Variants in ZNF568 observed in about 807,000 individuals in gnomAD.
The protein encoded by ZNF568 is p53 inhibitor of SCO2 activation.
ZNF568 carries 11 observed loss-of-function variants against 18.1 expected under a neutral mutation model. The observed-to-expected ratio is 0.61, with a 90% CI of 0.38 to 1.00. The LOEUF is 1.00. ZNF568 is among the 50% of genes least tolerant of loss of function. The pLI is 0.01. For missense variants in ZNF568, 639 were observed against 768.2 expected, an observed-to-expected ratio of 0.83 and a Z score of 1.99; for synonymous variants, 213 against 246.6, an observed-to-expected ratio of 0.86 and a Z score of 1.28.
At chr19:36,996,882 T>G in exon 5 of ZNF568, 1 of 1,539,158 alleles carries the variant, frequency 6.5e-7, no homozygotes, top group Non-Finnish European at 8.7e-7. Flanking sequence ...CCTATAAGTG[T>G]AGGGAGTGTG....
chr19:36,927,887 T>TATATTA lies in ZNF568; in HGVS notation c.135+2629_135+2630insATATTA, dbSNP rs1491142078. Among the ~76,000 whole-genome samples, 184 of 38,886 alleles carry TATATTA rather than the reference T, an allele frequency of 4.7e-3. 3 individuals are homozygous for TATATTA. Among genetic ancestry groups the TATATTA allele is most frequent in the East Asian group, 0.027 (11 of 404 alleles). The allele number at this position is 38,886 out of a possible 152,430, so 25.5% of individuals were successfully genotyped here. ...ATATATATATATATATATATATATA[T>TATATTA]TATATATATATATATATTTTTTTTT... On this transcript the variant is annotated intron_variant, in intron 4 of 6. Coordinates refer to ENST00000333987, the MANE Select transcript of ZNF568 (RefSeq NM_198539.4).
rs1193440344 is a variant in ZNF568 at position 36,975,681 on chromosome 19, CTTTTTTTTTTT to C, written c.405+1226_405+1236del. ...GCAGGCGTGAGCCACCGCGCCAAGA[CTTTTTTTTTTT>C]TTTTTTTTTTGAGACAGAGTCTTGC... On this transcript the variant is annotated intron_variant, in intron 7 of 7. Coordinates refer to the ZNF568 transcript ENST00000427117. Among the ~76,000 whole-genome samples, 261 of 75,786 alleles carry C rather than the reference CTTTTTTTTTTT, an allele frequency of 3.4e-3. 6 individuals are homozygous for C. The highest frequency in any genetic ancestry group is 0.016 in the African/African-American group (255 of 16,428). 49.7% of individuals were successfully genotyped at this position (75,786 alleles called of 152,430 possible).
downstream of ZNF568, among the ~76,000 whole-genome samples, chr19:36,953,780 G>A (rs1036201882): frequency 4.6e-5 from 7 of 152,068 alleles, no homozygotes; most frequent in Non-Finnish European, 8.8e-5. Flanking sequence ...GGCATGGGGC[G>A]GGTGCCTGTA....
rs780582682 is a variant in ZNF568, at chr19:36,937,167, G to T, written c.283G>T (p.Asp95Tyr). 1.2e-5 allele frequency: 20 copies of T among 1,613,886 alleles called. 1 individual carries two copies. In the South Asian group the frequency reaches 2.1e-4, roughly 17 times the overall value. The change falls in exon 6 of 7, where the codon GAT (aspartate) becomes TAT (tyrosine). Residue 95 changes from aspartate (D) to tyrosine (Y), a missense_variant. Physicochemically the swap from Asp to Tyr is radical, Grantham distance 160 (BLOSUM62 -3). Transcript: ENST00000333987. ...VTVGCQVTKP[D>Y]VIFKLEQEEE... ...AATAGGCTGTCAAGTCACCAAACCG[G>T]ATGTGATATTCAAGTTGGAGCAAGA...
chr19:36,927,897 ATATATATTTTTTTTTT>A (rs2073604220), intron 4 of ZNF568, among the ~76,000 whole-genome samples: 2 of 24,722 alleles, frequency 8.1e-5, no homozygotes, highest in Admixed American at 5.4e-4. Flanking sequence ...TTATATATAT[ATATATATTTTTTTTTT>A]TTTTTTTTTT....
intron 6 of ZNF568, among the ~76,000 whole-genome samples, chr19:36,965,064 C>T (rs1296690814): frequency 2.6e-5 from 4 of 152,140 alleles, no homozygotes; most frequent in Non-Finnish European, 5.9e-5. Context: ...TTTCATTAAG[C>T]ATGTAAATGT....
At chr19:36,989,472 C>T (rs2074405476) in intron 2 of ZNF568, among the ~76,000 whole-genome samples, 1 of 152,200 alleles carries the variant, frequency 6.6e-6, no homozygotes, top group Non-Finnish European at 1.5e-5. Context: ...GTGTGAGCCA[C>T]CATGCCTGGC....
intron 3 of ZNF568, among the ~76,000 whole-genome samples, chr19:36,923,306 C>T (rs903764473): frequency 6.6e-6 from 1 of 152,066 alleles, no homozygotes; most frequent in African/African-American, 2.4e-5. Context: ...TAACCCCTTC[C>T]GTTTCATCTC....
downstream of ZNF568, chr19:36,997,805 A>G: frequency 1.8e-6 from 1 of 568,850 alleles, no homozygotes; most frequent in Admixed American, 3.1e-5. Context: ...TAAGTGTGAG[A>G]CACCTTATAA....
intron 4 of ZNF568, among the ~76,000 whole-genome samples, chr19:36,926,379 T>C (rs1192613816): frequency 4.6e-5 from 7 of 152,206 alleles, no homozygotes; most frequent in African/African-American, 1.4e-4. Flanking sequence ...CATATGATCA[T>C]ATGGCTCATC....
In ZNF568 at chr19:36,934,268, T is replaced by A. The variant is rs2073749495; in HGVS notation, c.136-2478T>A. ...TGATGTTTGCTTATTTCCTTTTAGT[T>A]ACTTTGGATTTAGTTTGATCATCTT... On this transcript the variant is annotated intron_variant, in intron 4 of 6. Coordinates refer to ENST00000333987, the MANE Select transcript of ZNF568 (RefSeq NM_198539.4). Among the ~76,000 whole-genome samples, 4 of 151,726 alleles carry A rather than the reference T, an allele frequency of 2.6e-5. No individual in the cohort carries two copies. In the South Asian group the frequency reaches 8.3e-4, roughly 31 times the overall value.
At chr19:36,926,738 C>A (rs1242213748) in intron 4 of ZNF568, among the ~76,000 whole-genome samples, 1 of 152,102 alleles carries the variant, frequency 6.6e-6, no homozygotes, top group African/African-American at 2.4e-5. Context: ...TTACTATGTG[C>A]CAGATGTATT....
chr19:36,921,600 A>G (rs2073457348), intron 2 of ZNF568, among the ~76,000 whole-genome samples: 1 of 152,172 alleles, frequency 6.6e-6, no homozygotes, highest in South Asian at 2.1e-4. Context: ...TCTATCATAC[A>G]GGGCAAAAAT....
At chr19:36,942,045 G>A (rs1202759118) in intron 6 of ZNF568, among the ~76,000 whole-genome samples, 7 of 149,446 alleles carry the variant, frequency 4.7e-5, no homozygotes, top group South Asian at 2.1e-4. Context: ...GTGCAATGGC[G>A]TGATCTTTGC....
Position 36,969,680 on chromosome 19 carries a change from G to A in ZNF568, c.359-4740G>A, listed in dbSNP as rs781149444. ...GTCTTCAAAGCACATCCCCGCTTTC[G>A]TTGTCATGATTTCCTCTCTGACTCT... On this transcript the variant is annotated intron_variant, in intron 6 of 7. Coordinates refer to the ZNF568 transcript ENST00000427117. Among the ~76,000 whole-genome samples the A allele has an allele frequency of 3.3e-5, 5 of 149,808 alleles. No individual in the cohort carries two copies. In the East Asian group the frequency reaches 5.9e-4, roughly 18 times the overall value.
At chr19:36,928,871 C>A (rs1287880792) in intron 4 of ZNF568, among the ~76,000 whole-genome samples, 1 of 151,900 alleles carries the variant, frequency 6.6e-6, no homozygotes, top group East Asian at 1.9e-4. Context: ...TTTTAAATAC[C>A]CTTTTTTGGA....
chr19:36,925,922 A>G (rs1353692513), intron 4 of ZNF568, among the ~76,000 whole-genome samples: 2 of 152,190 alleles, frequency 1.3e-5, no homozygotes, highest in African/African-American at 4.8e-5. Context: ...GGGTCCTGGA[A>G]CCAATTCTAC....
Position 36,977,325 on chromosome 19 carries a change from T to C in ZNF568, c.406-1679T>C, listed in dbSNP as rs533831026. 1.5e-3 allele frequency among the ~76,000 whole-genome samples: 221 copies of C among 152,284 alleles called. 1 individual carries two copies. Among genetic ancestry groups the C allele is most frequent in the Non-Finnish European group, 2.4e-3 (161 of 68,012 alleles). The stretch of plus-strand genomic sequence containing the variant: ...GCTATAAAATTCCAAATTTGGAGTG[T>C]TTATTTAGATTTTTTATGCAACTTT... On this transcript the variant is annotated intron_variant, in intron 7 of 7. Coordinates refer to the ZNF568 transcript ENST00000427117.
At chr19:36,933,268 A>C (rs2073718985) in intron 4 of ZNF568, among the ~76,000 whole-genome samples, 1 of 151,094 alleles carries the variant, frequency 6.6e-6, no homozygotes, top group Admixed American at 6.6e-5. Flanking sequence ...TCCCAGCATC[A>C]TTTGTTGAAA....
Sources: gnomAD v4.1 joint callset for allele counts (sites outside exome capture counted in the v4.1 genomes callset) on GRCh38, gnomAD v4.1.1 for gene constraint, MANE v1.5 for transcripts, NCBI Gene and HGNC (gene_info 2026-07-23, HGNC 2026-07-21) for gene names.